The following SPAG16 variants were observed in gnomAD, a reference collection of about 807,000 sequenced individuals.
SPAG16 encodes sperm-associated antigen 16 protein.
Under a neutral mutation model 80.4 loss-of-function variants are expected in SPAG16, and 86 were observed. The observed-to-expected ratio is 1.07, with a 90% CI of 0.90 to 1.28. The LOEUF (loss-of-function observed/expected upper bound fraction) is 1.28, where lower values mean the gene tolerates loss of function less well. Among genes scored for constraint, SPAG16 ranks in the 50% most tolerant of loss-of-function variants. The pLI is 0.00. For synonymous variants in SPAG16, 294 were observed against 265.9 expected (o/e 1.11, Z -1.03); for missense variants, 870 against 765.3 (o/e 1.14, Z -1.61).
At chr2:213,742,797 C>T (rs557522960) in intron 10 of SPAG16, among the ~76,000 whole-genome samples, 1 of 152,172 alleles carries the variant, frequency 6.6e-6, no homozygotes, top group South Asian at 2.1e-4. Context: ...AGGTGATCCA[C>T]CCGTCTCGGC....
At chr2:213,786,887 T>C (rs2070376506) in intron 10 of SPAG16, among the ~76,000 whole-genome samples, 1 of 152,174 alleles carries the variant, frequency 6.6e-6, no homozygotes, top group South Asian at 2.1e-4. Flanking sequence ...TTGCAATTAG[T>C]AATAGTTACT....
At position 213,985,301 on chromosome 2, in the gene SPAG16, A is replaced by G. The variant is rs576363341; in HGVS notation, c.1401-28650A>G. 5.9e-5 allele frequency among the ~76,000 whole-genome samples: 9 copies of G among 152,228 alleles called. No homozygotes were observed. In the South Asian group the frequency reaches 1.9e-3, roughly 32 times the overall value. ...TAATAAATTTTCTGTGTCTAAAAAT[A>G]GTTTGAATTTTTAAAGTTTGATTTA... is the stretch of plus-strand genomic sequence containing the variant. On this transcript the variant is annotated intron_variant, in intron 12 of 15. Transcript: ENST00000331683.
At chr2:213,605,268 AT>A (rs34856658) in intron 10 of SPAG16, among the ~76,000 whole-genome samples, 46,727 of 139,074 alleles carry the variant, frequency 0.34, 7,370 homozygotes, top group Middle Eastern at 0.47. Context: ...TTTGGAATGC[AT>A]TTTTTTTTTT....
intron 9 of SPAG16, among the ~76,000 whole-genome samples, chr2:213,463,348 A>C (rs905712651): frequency 1.3e-5 from 2 of 152,250 alleles, no homozygotes; most frequent in Admixed American, 1.3e-4. Context: ...AGTAACAAGG[A>C]GCTGAATGTT....
chr2:214,059,384 T>A (rs555596931), intron 13 of SPAG16, among the ~76,000 whole-genome samples: 4 of 151,294 alleles, frequency 2.6e-5, no homozygotes, highest in Non-Finnish European at 5.9e-5. Context: ...TTTGTTACCC[T>A]TTTCTTCTTC....
chr2:213,320,816 T>C (rs904177778), intron 5 of SPAG16, among the ~76,000 whole-genome samples: 1 of 152,066 alleles, frequency 6.6e-6, no homozygotes, highest in Non-Finnish European at 1.5e-5. Context: ...TTTATTCTTC[T>C]GTTGATGGGT....
intron 10 of SPAG16, among the ~76,000 whole-genome samples, chr2:213,741,443 A>G (rs1271759701): frequency 2.0e-5 from 3 of 152,194 alleles, no homozygotes; most frequent in Non-Finnish European, 4.4e-5. Flanking sequence ...TGTTAGGATC[A>G]TAATTGTAAA....
At chr2:213,904,130 G>C (rs1413770379) in intron 11 of SPAG16, among the ~76,000 whole-genome samples, 4 of 152,088 alleles carry the variant, frequency 2.6e-5, no homozygotes, top group African/African-American at 9.7e-5. Flanking sequence ...CCTCCAAACT[G>C]TTCCAACCTC....
chr2:213,585,125 G>A (rs1252758316), intron 10 of SPAG16, among the ~76,000 whole-genome samples: 1 of 150,014 alleles, frequency 6.7e-6, no homozygotes, highest in Non-Finnish European at 1.5e-5. Flanking sequence ...GGAGGTAGAG[G>A]TTGTAGTGAG....
At position 213,392,718 on chromosome 2, in the gene SPAG16, G is replaced by T. The variant is rs887410072; in HGVS notation, c.942+17599G>T. 2.0e-5 allele frequency among the ~76,000 whole-genome samples: 3 copies of T among 151,988 alleles called. No homozygotes were observed. In the South Asian group the frequency reaches 6.2e-4, roughly 32 times the overall value. On this transcript the variant is annotated intron_variant, in intron 9 of 15. Transcript: ENST00000331683. ...AAACATTAGCCAGGCGTGGTGGCGG[G>T]TGCCTGTAATCTCAGCTACTCGGGA...
rs71060428 is a variant in SPAG16, at chr2:213,387,431, C to CTTTTTTTTTTTTT, written c.942+12329_942+12341dup. On this transcript the variant is annotated intron_variant, in intron 9 of 15. Transcript: ENST00000331683. ...TTTGGGTTGGAATGAAATGCATGCTCTTTTTTTTTTTTTTTTTTTTTTTTT... is the reference window on the plus strand; with the variant it reads ...TTTGGGTTGGAATGAAATGCATGCTCTTTTTTTTTTTTTTTTTTTTTTTTTTTTTTTTTTTTTT... Among the ~76,000 whole-genome samples, 79 of 47,904 alleles carry CTTTTTTTTTTTTT rather than the reference C, an allele frequency of 1.6e-3. 16 individuals are homozygous for CTTTTTTTTTTTTT. The highest frequency in any genetic ancestry group is 3.4e-3 in the African/African-American group (30 of 8,768). 31.4% of individuals were successfully genotyped at this position (47,904 alleles called of 152,430 possible).
chr2:214,076,621 C>G (rs1334513235), intron 13 of SPAG16, among the ~76,000 whole-genome samples: 5 of 151,624 alleles, frequency 3.3e-5, no homozygotes, highest in African/African-American at 1.2e-4. Flanking sequence ...TAGATTCTGG[C>G]AAACAGATGT....
At chr2:213,886,023 T>C (rs1040538629) in intron 11 of SPAG16, among the ~76,000 whole-genome samples, 1 of 152,088 alleles carries the variant, frequency 6.6e-6, no homozygotes, top group African/African-American at 2.4e-5. Flanking sequence ...AAAAATATGA[T>C]TGGATAAAAA....
intron 13 of SPAG16, among the ~76,000 whole-genome samples, chr2:214,103,593 T>A (rs979540751): frequency 1.3e-5 from 2 of 152,038 alleles, no homozygotes; most frequent in Admixed American, 6.6e-5. Context: ...ACATCTGCAA[T>A]AAAGGAAACA....
intron 10 of SPAG16, among the ~76,000 whole-genome samples, chr2:213,618,351 A>G (rs941404246): frequency 1.6e-4 from 24 of 152,076 alleles, no homozygotes; most frequent in African/African-American, 5.6e-4. Flanking sequence ...CTAGTCTATT[A>G]TGATATTTTT....
intron 12 of SPAG16, among the ~76,000 whole-genome samples, chr2:213,952,942 C>G (rs912894622): frequency 1.3e-5 from 2 of 152,052 alleles, no homozygotes; most frequent in Non-Finnish European, 1.5e-5. Context: ...TTAAAATCTC[C>G]TCAGCCCTTT....
intron 15 of SPAG16, among the ~76,000 whole-genome samples, chr2:214,265,797 G>C (rs1691522650): frequency 6.6e-6 from 1 of 151,634 alleles, no homozygotes; most frequent in Non-Finnish European, 1.5e-5. Context: ...ATTTTTTATT[G>C]CTGTTTCTCA....
At chr2:213,785,119 T>C (rs1404723050) in intron 10 of SPAG16, among the ~76,000 whole-genome samples, 1 of 152,166 alleles carries the variant, frequency 6.6e-6, no homozygotes, top group African/African-American at 2.4e-5. Context: ...AAACTTTACA[T>C]GTCTTTCACC....
intron 10 of SPAG16, among the ~76,000 whole-genome samples, chr2:213,728,101 G>A (rs541415710): frequency 1.8e-4 from 28 of 152,194 alleles, no homozygotes; most frequent in Admixed American, 1.7e-3. Context: ...TGCCTGCCTC[G>A]GCCTCCCAAA....
Sources: allele counts gnomAD v4.1 joint callset (sites outside exome capture counted in the v4.1 genomes callset), GRCh38; gene constraint gnomAD v4.1.1; transcripts MANE v1.5; gene names NCBI Gene and HGNC (gene_info 2026-07-23, HGNC 2026-07-21).